Variants in EOMES observed in about 807,000 individuals in gnomAD.
EOMES encodes the protein eomesodermin, also known as eomesodermin homolog.
A neutral mutation model predicts 61.0 loss-of-function variants in EOMES; 18 were observed. The ratio of observed to expected loss-of-function variants is 0.30; its 90% CI spans 0.20 to 0.44. The LOEUF (loss-of-function observed/expected upper bound fraction) is 0.44. EOMES is among the 20% of genes least tolerant of loss of function. EOMES has a pLI of 1.00. For missense variants in EOMES, 885 were observed against 939.2 expected (o/e 0.94, Z 0.75); for synonymous variants, 430 against 394.0 (o/e 1.09, Z -1.08).
Position 27,717,835 on chromosome 3 carries a change from A to G in EOMES, c.1380-27T>C. 1 of 1,453,910 alleles carries G rather than the reference A, an allele frequency of 6.9e-7. No homozygotes were observed. Among genetic ancestry groups the G allele is most frequent in the South Asian group, 1.4e-5 (1 of 71,412 alleles). The allele number at this position is 1,453,910 out of a possible 1,614,324, so 90.1% of individuals were successfully genotyped here. On this transcript the variant is annotated intron_variant, in intron 5 of 5. Transcript: ENST00000449599. The surrounding 1 kb of genome is among the most constrained non-coding windows in gnomAD (Gnocchi z 4.5). ...TACAATATAAAGAGAAACACTTAAA[A>G]AAAAAAAAAAACCCTAATGTTGTCC...
rs9866625 is a variant in EOMES at position 27,717,847 on chromosome 3, C to A, written c.1380-39G>T. On this transcript the variant is annotated intron_variant, in intron 5 of 5. Coordinates refer to ENST00000449599, the MANE Select transcript of EOMES (RefSeq NM_001278182.2). This position sits in a 1 kb window ranked among gnomAD's most constrained non-coding sequence, Gnocchi z 4.5. Reference sequence around the variant, plus strand: ...AGAAACACTTAAAAAAAAAAAAAAACCCTAATGTTGTCCCCAAACAAACCA... The same window carrying A: ...AGAAACACTTAAAAAAAAAAAAAAAACCTAATGTTGTCCCCAAACAAACCA... 597,617 of 1,277,194 alleles carry A rather than the reference C, an allele frequency of 0.47. 120,658 individuals are homozygous for A. Among genetic ancestry groups the A allele is most frequent in the African/African-American group, 0.73 (47,143 of 64,238 alleles). The allele number at this position is 1,277,194 out of a possible 1,614,324, so 79.1% of individuals were successfully genotyped here.
At chr3:27,722,338 G>A (rs759048608), upstream of EOMES, 23 of 1,461,192 alleles carry the variant, frequency 1.6e-5, no homozygotes, top group Non-Finnish European at 1.9e-5. Flanking sequence ...CCTCTCCTCC[G>A]GTGGCCTTAT....
chr3:27,720,654 T>G (rs2060605577), intron 1 of EOMES, among the ~76,000 whole-genome samples: 1 of 150,760 alleles, frequency 6.6e-6, no homozygotes, highest in South Asian at 2.1e-4. Context: ...GCTCTTAAAA[T>G]TTTTCTCCTA....
At position 27,721,884 on chromosome 3, in the gene EOMES, G is replaced by T; in HGVS notation, c.411C>A (p.Asp137Glu). 6.8e-7 allele frequency: 1 copy of T among 1,477,386 alleles called. No homozygotes were observed. The highest frequency in any genetic ancestry group is 1.3e-5 in the South Asian group (1 of 74,204). 91.5% of individuals were successfully genotyped at this position (1,477,386 alleles called of 1,614,324 possible). ...AAAATARYSM[D>E]SLSSERYYLQ... ...GGTAGTACCGCTCGGAGCTCAGGCT[G>T]TCCATGGAGTAGCGCGCAGTGGCCG... The change falls in exon 1 of 6, where the codon GAC becomes GAA. Residue 137 changes from aspartate to glutamate, a missense_variant. Asp to Glu is a conservative substitution (Grantham distance 45, BLOSUM62 2). Around this residue, in one of 3 missense-constraint regions of EOMES, gnomAD observed 449 missense variants for 383.6 expected, o/e 1.17. Coordinates refer to ENST00000449599, the MANE Select transcript of EOMES (RefSeq NM_001278182.2). This position sits in a 1 kb window ranked among gnomAD's most constrained non-coding sequence, Gnocchi z 7.4.
chr3:27,721,918 G>GCGT lies in EOMES; in HGVS notation c.376_377insACG (p.Ala125_Ala126insAsp), dbSNP rs2060617894. ...GTAGCGCGCAGTGGCCGCAGCCGCG[G>GCGT]CGGCGGCGGCGGCGGCGGCTGCAGC... is the stretch of plus-strand genomic sequence containing the variant. On this transcript the variant is annotated inframe_insertion, in exon 1 of 6. Transcript: ENST00000449599. The surrounding 1 kb of genome is among the most constrained non-coding windows in gnomAD (Gnocchi z 7.4). 1.5e-6 allele frequency: 2 copies of GCGT among 1,351,558 alleles called. No individual in the cohort carries two copies. Among genetic ancestry groups the GCGT allele is most frequent in the South Asian group, 4.2e-5 (2 of 47,654 alleles). The allele number at this position is 1,351,558 out of a possible 1,614,324, so 83.7% of individuals were successfully genotyped here.
chr3:27,717,058 T>C lies in EOMES; in HGVS notation c.*12A>G. 6.3e-7 allele frequency: 1 copy of C among 1,578,326 alleles called. No individual in the cohort carries two copies. Among genetic ancestry groups the C allele is most frequent in the East Asian group, 2.3e-5 (1 of 44,354 alleles). ...CAAAAAGTTAGCTAATTTTTGAGGT[T>C]AAAATAACTCTTTAGGGAGTTGTGT... On this transcript the variant is annotated 3_prime_UTR_variant, in exon 6 of 6. Coordinates refer to ENST00000449599, the MANE Select transcript of EOMES (RefSeq NM_001278182.2). The surrounding 1 kb of genome is among the most constrained non-coding windows in gnomAD (Gnocchi z 4.5).
chr3:27,721,850 G>C lies in EOMES; in HGVS notation c.445C>G (p.Pro149Ala), dbSNP rs1389301549. Residue 149 changes from proline (P) to alanine (A), a missense_variant, in exon 1 of 6, where the codon CCC (proline) becomes GCC (alanine). Pro to Ala is a conservative substitution (Grantham distance 27, BLOSUM62 -1). Around this residue, in one of 3 missense-constraint regions of EOMES, gnomAD observed 449 missense variants for 383.6 expected, o/e 1.17. Coordinates refer to ENST00000449599, the MANE Select transcript of EOMES (RefSeq NM_001278182.2). This position sits in a 1 kb window ranked among gnomAD's most constrained non-coding sequence, Gnocchi z 7.4. Reference protein sequence around the residue: ...LSSERYYLQSPGPQGSELAAP... With the variant: ...LSSERYYLQSAGPQGSELAAP... ...GCCAGCTCCGACCCCTGAGGACCGGGGGACTGGAGGTAGTACCGCTCGGAG... is the reference window on the plus strand; with the variant it reads ...GCCAGCTCCGACCCCTGAGGACCGGCGGACTGGAGGTAGTACCGCTCGGAG... 2.6e-6 allele frequency: 4 copies of C among 1,517,706 alleles called. No individual in the cohort carries two copies. Among genetic ancestry groups the C allele is most frequent in the East Asian group, 2.7e-5 (1 of 36,828 alleles). The allele number at this position is 1,517,706 out of a possible 1,614,324, so 94.0% of individuals were successfully genotyped here. A position where few individuals can be genotyped will look rare whatever the true frequency, so the allele number is the denominator to read the frequency against.
chr3:27,718,595 G>C lies in EOMES; in HGVS notation c.1371C>G (p.Asn457Lys), dbSNP rs999826393. The C allele has an allele frequency of 2.5e-6, 4 of 1,610,548 alleles. No homozygotes were observed. The highest frequency in any genetic ancestry group is 3.4e-6 in the Non-Finnish European group (4 of 1,177,010). Residue 457 changes from asparagine to lysine, a missense_variant, in exon 5 of 6, where the codon AAC becomes AAG. Transcript: ENST00000449599. ...HNPFAKGFRD[N>K]YDSMYTASEN... ...ATAAAAGCTGCACTTACGAATCATA[G>C]TTGTCTCTGAAGCCTTTTGCAAAGG...
chr3:27,721,884 G>C lies in EOMES; in HGVS notation c.411C>G (p.Asp137Glu). ...AAAATARYSM[D>E]SLSSERYYLQ... The stretch of plus-strand genomic sequence containing the variant: ...GGTAGTACCGCTCGGAGCTCAGGCT[G>C]TCCATGGAGTAGCGCGCAGTGGCCG... The change falls in exon 1 of 6, where the codon GAC becomes GAG. Residue 137 changes from aspartate (D) to glutamate (E), a missense_variant. Transcript: ENST00000449599. The surrounding 1 kb of genome is among the most constrained non-coding windows in gnomAD (Gnocchi z 7.4). 6.8e-7 allele frequency: 1 copy of C among 1,477,386 alleles called. No individual in the cohort carries two copies. Among genetic ancestry groups the C allele is most frequent in the Non-Finnish European group, 8.9e-7 (1 of 1,119,552 alleles). The allele number at this position is 1,477,386 out of a possible 1,614,324, so 91.5% of individuals were successfully genotyped here.
Position 27,717,488 on chromosome 3 carries a change from T to C in EOMES, c.1700A>G (p.Tyr567Cys). 1.9e-6 allele frequency: 3 copies of C among 1,614,172 alleles called. No individual in the cohort carries two copies. In the South Asian group the frequency reaches 3.3e-5, roughly 18 times the overall value. The change falls in exon 6 of 6, where the codon TAT (tyrosine) becomes TGT (cysteine). Residue 567 changes from tyrosine (Y) to cysteine (C), a missense_variant. By Grantham distance (194) the Tyr-to-Cys change is radical (BLOSUM62 -2). Around this residue, in one of 3 missense-constraint regions of EOMES, gnomAD observed 259 missense variants for 282.3 expected, o/e 0.92. Coordinates refer to ENST00000449599, the MANE Select transcript of EOMES (RefSeq NM_001278182.2). The surrounding 1 kb of genome is among the most constrained non-coding windows in gnomAD (Gnocchi z 4.5). The stretch of plus-strand genomic sequence containing the variant: ...CTGAAGGGGCAAGGATTTAATGCCA[T>C]ATGGGAGCAATGTGCTAGAAGTATA... ...SEYTSSTLLP[Y>C]GIKSLPLQTS...
Position 27,721,566 on chromosome 3 carries a change from G to A in EOMES, c.729C>T (p.Tyr243=), listed in dbSNP as rs776080197. The A allele has an allele frequency of 1.9e-6, 3 of 1,597,096 alleles. No individual in the cohort carries two copies. Among genetic ancestry groups the A allele is most frequent in the Admixed American group, 1.7e-5 (1 of 57,610 alleles). Residue 243 remains tyrosine, a synonymous_variant, in exon 1 of 6, where the codon TAC becomes TAT. Transcript: ENST00000449599. This position sits in a 1 kb window ranked among gnomAD's most constrained non-coding sequence, Gnocchi z 7.4. The part of the protein sequence containing the change: ...YSQGAPLYGP[Y]PGAAAAGSCG... ...AAGATCCCGCCGCTGCGGCTCCAGG[G>A]TACGGCCCGTAGAGCGGAGCCCCCT...
Position 27,718,819 on chromosome 3 carries a change from C to T in EOMES, c.1233G>A (p.Glu411=), listed in dbSNP as rs776463231. Reference sequence around the variant, plus strand: ...GGGTCTTTGAGGGCTCATTCAAGTCCTCCACGCCATCCTCTGTAACTTCAA... The same window carrying T: ...GGGTCTTTGAGGGCTCATTCAAGTCTTCCACGCCATCCTCTGTAACTTCAA... ...HIVEVTEDGV[E]DLNEPSKTQT... Residue 411 remains glutamate, a synonymous_variant, in exon 4 of 6, where the codon GAG becomes GAA. Coordinates refer to ENST00000449599, the MANE Select transcript of EOMES (RefSeq NM_001278182.2). 4 of 1,613,928 alleles carry T rather than the reference C, an allele frequency of 2.5e-6. No individual in the cohort carries two copies. In the South Asian group the frequency reaches 3.3e-5, roughly 13 times the overall value.
In EOMES at chr3:27,721,891, G is replaced by A; in HGVS notation, c.404C>T (p.Ser135Phe). Residue 135 changes from serine (S) to phenylalanine (F), a missense_variant, in exon 1 of 6, where the codon TCC becomes TTC. By Grantham distance (155) the Ser-to-Phe change is radical (BLOSUM62 -2). Coordinates refer to ENST00000449599, the MANE Select transcript of EOMES (RefSeq NM_001278182.2). The surrounding 1 kb of genome is among the most constrained non-coding windows in gnomAD (Gnocchi z 7.4). Reference sequence around the variant, plus strand: ...CCGCTCGGAGCTCAGGCTGTCCATGGAGTAGCGCGCAGTGGCCGCAGCCGC... The same window carrying A: ...CCGCTCGGAGCTCAGGCTGTCCATGAAGTAGCGCGCAGTGGCCGCAGCCGC... ...AAAAAATARY[S>F]MDSLSSERYY... 6.9e-7 allele frequency: 1 copy of A among 1,453,246 alleles called. No homozygotes were observed. The highest frequency in any genetic ancestry group is 3.0e-5 in the East Asian group (1 of 32,878). 90.0% of individuals were successfully genotyped at this position (1,453,246 alleles called of 1,614,324 possible). A position where few individuals can be genotyped will look rare whatever the true frequency, so the allele number is the denominator to read the frequency against.
chr3:27,722,223 A>G lies in EOMES; in HGVS notation c.72T>C (p.Ser24=), dbSNP rs1334886796. The change falls in exon 1 of 6, where the codon AGT becomes AGC. Residue 24 remains serine, a synonymous_variant. Coordinates refer to ENST00000449599, the MANE Select transcript of EOMES (RefSeq NM_001278182.2). ...CGCTCCCGCCGCTGCCGCCTCGCGCACTCTCCAGCGGGTAGAAGTGCGCGC... is the reference window on the plus strand; with the variant it reads ...CGCTCCCGCCGCTGCCGCCTCGCGCGCTCTCCAGCGGGTAGAAGTGCGCGC... The part of the protein sequence containing the change: ...LPGAHFYPLE[S]ARGGSGGSAG... 1.9e-6 allele frequency: 3 copies of G among 1,604,728 alleles called. No homozygotes were observed. Among genetic ancestry groups the G allele is most frequent in the East Asian group, 2.3e-5 (1 of 44,118 alleles).
intron 1 of EOMES, among the ~76,000 whole-genome samples, chr3:27,720,580 C>CA (rs1553745252): frequency 7.0e-6 from 1 of 142,432 alleles, no homozygotes; most frequent in Non-Finnish European, 1.5e-5. Context: ...AAGCTTGCCC[C>CA]AACATCGGTA....
chr3:27,722,337 C>T (rs774069932), upstream of EOMES: 14 of 1,463,000 alleles, frequency 9.6e-6, no homozygotes, highest in South Asian at 1.4e-5. Context: ...TCCTCTCCTC[C>T]GGTGGCCTTA....
chr3:27,722,587 A>C, upstream of EOMES: 1 of 1,202,796 alleles, frequency 8.3e-7, no homozygotes, highest in Non-Finnish European at 1.0e-6. Context: ...CAGGACCCCC[A>C]CCCTCCTCCC....
chr3:27,722,534 C>T (rs2125405074), upstream of EOMES: 1 of 1,328,890 alleles, frequency 7.5e-7, no homozygotes, highest in African/African-American at 1.5e-5. Context: ...TGGAAACTAA[C>T]CCAGAAGCCC....
Position 27,722,066 on chromosome 3 carries a change from CGGGG to C in EOMES, c.225_228del (p.Pro76ArgfsTer63). On this transcript the variant is annotated frameshift_variant, in exon 1 of 6. Coordinates refer to ENST00000449599, the MANE Select transcript of EOMES (RefSeq NM_001278182.2). LOFTEE classifies it high-confidence loss of function. ...GCGTCGGTGTCACTAAGCATGGCCG[CGGGG>C]GCCCCTGCGCTGGCGGCTGCGGGCT... is the stretch of plus-strand genomic sequence containing the variant. 6.5e-7 allele frequency: 1 copy of C among 1,545,932 alleles called. No individual in the cohort carries two copies. Among genetic ancestry groups the C allele is most frequent in the East Asian group, 2.5e-5 (1 of 40,382 alleles).
Sources: gnomAD v4.1 joint callset for allele counts (sites outside exome capture counted in the v4.1 genomes callset) on GRCh38, gnomAD v4.1.1 for gene constraint, gnomAD v4.1.1 regional missense constraint, Gnocchi (gnomAD v3.1) non-coding constraint, MANE v1.5 for transcripts, NCBI Gene and HGNC (gene_info 2026-07-23, HGNC 2026-07-21) for gene names.